KANK1: variants seen among roughly 807,000 people sequenced by gnomAD.
The protein encoded by KANK1 is KN motif and ankyrin repeat domains 1.
Under a neutral mutation model 106.2 loss-of-function variants are expected in KANK1, and 109 were observed. The ratio of observed to expected loss-of-function variants is 1.03; its 90% confidence interval spans 0.88 to 1.20. KANK1 has a LOEUF of 1.20. Among genes scored for constraint, KANK1 ranks in the 50% most tolerant of loss-of-function variants. KANK1 has a pLI of 0.00. For synonymous variants in KANK1, 873 were observed against 652.2 expected, an observed-to-expected ratio of 1.34 and a Z score of -5.16; for missense variants, 2,399 against 1,710.7, an observed-to-expected ratio of 1.40 and a Z score of -7.10.
intron 1 of KANK1, among the ~76,000 whole-genome samples, chr9:578,868 G>T (rs1301008685): frequency 6.6e-6 from 1 of 152,116 alleles, no homozygotes; most frequent in African/African-American, 2.4e-5. Flanking sequence ...CTCAAGCTAT[G>T]CTAAAAATCC....
At chr9:618,043 A>T (rs1191769346) in intron 1 of KANK1, among the ~76,000 whole-genome samples, 1 of 152,174 alleles carries the variant, frequency 6.6e-6, no homozygotes, top group Non-Finnish European at 1.5e-5. Context: ...TTTACCCTGC[A>T]CACAAGGCAG....
At chr9:643,057 G>C (rs1451096082) in intron 1 of KANK1, among the ~76,000 whole-genome samples, 3 of 150,618 alleles carry the variant, frequency 2.0e-5, no homozygotes, top group Non-Finnish European at 4.4e-5. Flanking sequence ...TATAAAAATA[G>C]CACAGGATAG....
chr9:490,220 A>G (rs974177168), intron 3 of KANK1, among the ~76,000 whole-genome samples: 3 of 152,216 alleles, frequency 2.0e-5, no homozygotes, highest in Non-Finnish European at 4.4e-5. Context: ...ACAAATAGAC[A>G]GTCAGGCACA....
intron 1 of KANK1, among the ~76,000 whole-genome samples, chr9:589,345 C>G (rs1361392251): frequency 6.6e-6 from 1 of 152,188 alleles, no homozygotes; most frequent in African/African-American, 2.4e-5. Flanking sequence ...TAAATACTTA[C>G]TCTTGATGCT....
At chr9:675,065 G>T (rs1816116876) in intron 1 of KANK1, among the ~76,000 whole-genome samples, 1 of 152,022 alleles carries the variant, frequency 6.6e-6, no homozygotes, top group African/African-American at 2.4e-5. Flanking sequence ...TAAAATCCAT[G>T]ATTTCATCAC....
At chr9:728,778 T>G (rs1831428343) in intron 3 of KANK1, among the ~76,000 whole-genome samples, 1 of 152,202 alleles carries the variant, frequency 6.6e-6, no homozygotes, top group African/African-American at 2.4e-5. Flanking sequence ...GACACTCCTT[T>G]CTGTTGATTG....
chr9:699,664 C>T (rs1270550738), intron 2 of KANK1, among the ~76,000 whole-genome samples: 2 of 152,152 alleles, frequency 1.3e-5, no homozygotes, highest in African/African-American at 2.4e-5. Context: ...TGCAGTTATG[C>T]TACATATGTG....
rs1394419824 is a variant in KANK1 at position 745,822 on chromosome 9, A to G, written c.*587A>G. 6.5e-6 allele frequency: 1 copy of G among 152,684 alleles called. No homozygotes were observed. The highest frequency in any genetic ancestry group is 2.4e-5 in the African/African-American group (1 of 41,464). The allele number at this position is 152,684 out of a possible 1,614,324, so 9.5% of individuals were successfully genotyped here. A position where few individuals can be genotyped will look rare whatever the true frequency, so the allele number is the denominator to read the frequency against. ...GACTTTTTATAAAAAGGGTATCTAT[A>G]TGAACTTGACACAGTATTTTCAGCT... On this transcript the variant is annotated 3_prime_UTR_variant, in exon 12 of 12. Coordinates refer to ENST00000382297, the MANE Select transcript of KANK1 (RefSeq NM_015158.5).
intron 1 of KANK1, among the ~76,000 whole-genome samples, chr9:569,067 G>C (rs891023239): frequency 6.6e-6 from 1 of 152,052 alleles, no homozygotes; most frequent in Non-Finnish European, 1.5e-5. Context: ...GTGGGGCATT[G>C]GGAGGCTGTT....
chr9:628,111 C>G (rs1189441315), intron 1 of KANK1, among the ~76,000 whole-genome samples: 1 of 152,180 alleles, frequency 6.6e-6, no homozygotes, highest in Non-Finnish European at 1.5e-5. Flanking sequence ...GAGAGTATTT[C>G]CTGCATCTTA....
chr9:483,553 C>G (rs2058243467), intron 3 of KANK1, among the ~76,000 whole-genome samples: 1 of 152,138 alleles, frequency 6.6e-6, no homozygotes, highest in South Asian at 2.1e-4. Context: ...ATGGGAACTA[C>G]AGAACTGTGT....
At position 590,471 on chromosome 9, in the gene KANK1, G is replaced by GAT. The variant is rs35653039; in HGVS notation, c.-84+85726_-84+85727dup. 2.8e-3 allele frequency among the ~76,000 whole-genome samples: 431 copies of GAT among 152,024 alleles called. 3 individuals are homozygous for GAT. The highest frequency in any genetic ancestry group is 8.8e-3 in the African/African-American group (363 of 41,462). On this transcript the variant is annotated intron_variant, in intron 1 of 11. Transcript: ENST00000382297. ...TCAAGTTATATTTTATGGTGCTTTA[G>GAT]ATATATATATGTATATTTTTGCTTA...
At chr9:732,790 A>C (rs1208021284) in intron 6 of KANK1, 173 bp downstream of exon 6, 3 of 639,340 alleles carry the variant, frequency 4.7e-6, no homozygotes, top group Non-Finnish European at 7.8e-6. Flanking sequence ...CAACTCTTAG[A>C]TCTCTTATGG....
At chr9:575,670 C>G (rs979044805) in intron 1 of KANK1, among the ~76,000 whole-genome samples, 1 of 151,616 alleles carries the variant, frequency 6.6e-6, no homozygotes, top group Non-Finnish European at 1.5e-5. Context: ...GACCCTGTCT[C>G]AAAAAAAATT....
intron 3 of KANK1, among the ~76,000 whole-genome samples, chr9:499,199 CG>C (rs2058508521): frequency 6.6e-6 from 1 of 150,548 alleles, no homozygotes; most frequent in South Asian, 2.1e-4. Context: ...AAAAGTTAAA[CG>C]CAGAGTTATC....
chr9:499,541 G>A (rs968217448), intron 3 of KANK1, among the ~76,000 whole-genome samples: 2 of 152,164 alleles, frequency 1.3e-5, no homozygotes, highest in Non-Finnish European at 2.9e-5. Context: ...CGACAAGGCT[G>A]CTACCAACTG....
chr9:690,225 G>A (rs1819580227), intron 2 of KANK1, among the ~76,000 whole-genome samples: 1 of 148,762 alleles, frequency 6.7e-6, no homozygotes, highest in African/African-American at 2.5e-5. Context: ...AGAATTGGTT[G>A]AACCCGGGAG....
chr9:713,124 G>A lies in KANK1; in HGVS notation c.2358G>A (p.Leu786=). 6.2e-7 allele frequency: 1 copy of A among 1,603,152 alleles called. No homozygotes were observed. Among genetic ancestry groups the A allele is most frequent in the Non-Finnish European group, 8.5e-7 (1 of 1,172,730 alleles). ...MRTIACGPPQ[L]TVGLTASRRS... The stretch of plus-strand genomic sequence containing the variant: ...CTATAGCTTGTGGGCCACCACAGTT[G>A]ACTGTGGGGCTGACAGCCAGCAGAA... Residue 786 remains leucine, a synonymous_variant, in exon 3 of 12, where the codon TTG becomes TTA. Coordinates refer to ENST00000382297, the MANE Select transcript of KANK1 (RefSeq NM_015158.5).
chr9:564,797 A>C (rs147527706), intron 1 of KANK1, among the ~76,000 whole-genome samples: 2 of 152,206 alleles, frequency 1.3e-5, no homozygotes, highest in Non-Finnish European at 2.9e-5. Flanking sequence ...GTCAGCATCT[A>C]ATTGACTCAG....
Sources: allele counts gnomAD v4.1 joint callset (sites outside exome capture counted in the v4.1 genomes callset), GRCh38; gene constraint gnomAD v4.1.1; transcripts MANE v1.5; gene names NCBI Gene and HGNC (gene_info 2026-07-23, HGNC 2026-07-21).